Variants in DCAF6 observed in about 807,000 individuals in gnomAD.
DCAF6 encodes DDB1 and CUL4 associated factor 6.
In DCAF6, 54 loss-of-function variants were observed where a neutral mutation model predicts 125.1. The observed-to-expected ratio is 0.43, with a 90% CI of 0.35 to 0.54. The LOEUF (loss-of-function observed/expected upper bound fraction) is 0.54, where lower values mean the gene tolerates loss of function less well. Ranked by LOEUF, DCAF6 falls within the 20% of genes least tolerant of loss-of-function variation. The pLI, the probability that DCAF6 is intolerant of heterozygous loss-of-function variation, is 0.01. For synonymous variants in DCAF6, 371 were observed against 390.4 expected, an observed-to-expected ratio of 0.95 and a Z score of 0.58; for missense variants, 934 against 1,161.7, an observed-to-expected ratio of 0.80 and a Z score of 2.85.
intron 2 of DCAF6, among the ~76,000 whole-genome samples, chr1:167,963,179 G>A (rs534920886): frequency 1.3e-5 from 2 of 151,980 alleles, no homozygotes; most frequent in South Asian, 2.1e-4. Flanking sequence ...CGGGAGAATC[G>A]CTTGAACTCA....
chr1:167,866,716 A>C, the DCAF6 span, among the ~76,000 whole-genome samples: 1 of 151,254 alleles, frequency 6.6e-6, no homozygotes, highest in African/African-American at 2.4e-5. Flanking sequence ...GTGGCCTTAG[A>C]CAGTCTAGTC....
chr1:168,049,536 A>G (rs903332385), intron 16 of DCAF6, among the ~76,000 whole-genome samples: 1 of 147,680 alleles, frequency 6.8e-6, no homozygotes, highest in Non-Finnish European at 1.5e-5. Flanking sequence ...CTGGGGGACT[A>G]TAGGCGTGAG....
At position 167,957,642 on chromosome 1, in the gene DCAF6, T is replaced by C. The variant is rs143397385; in HGVS notation, c.159+5781T>C. ...TAAGTTTTCAATTATCTTGGCTGTA[T>C]ACCTAGTTGCAGAATTGCTAGGTCA... On this transcript the variant is annotated intron_variant, in intron 2 of 21. Coordinates refer to ENST00000367840, the MANE Select transcript of DCAF6 (RefSeq NM_001198956.2). Among the ~76,000 whole-genome samples, 830 of 152,264 alleles carry C rather than the reference T, an allele frequency of 5.5e-3. 8 individuals carry two copies. Among genetic ancestry groups the C allele is most frequent in the African/African-American group, 0.018 (756 of 41,572 alleles).
At chr1:168,052,797 T>C (rs1248449062) in intron 17 of DCAF6, among the ~76,000 whole-genome samples, 1 of 152,186 alleles carries the variant, frequency 6.6e-6, no homozygotes. Flanking sequence ...CATTCTACTT[T>C]TATTACCTCA....
At chr1:167,946,205 C>G (rs1291356581) in intron 1 of DCAF6, among the ~76,000 whole-genome samples, 1 of 152,166 alleles carries the variant, frequency 6.6e-6, no homozygotes, top group Non-Finnish European at 1.5e-5. Flanking sequence ...ATCTGGCCAC[C>G]TCAGCCTCCC....
At chr1:167,904,289 T>C in the DCAF6 span, among the ~76,000 whole-genome samples, 2 of 152,046 alleles carry the variant, frequency 1.3e-5, no homozygotes, top group Non-Finnish European at 2.9e-5. Flanking sequence ...GGTTTCACCA[T>C]GTTAGCCAGG....
chr1:167,919,749 AGTTAACTAGTTAACTG>A, the DCAF6 span, among the ~76,000 whole-genome samples: 1 of 152,172 alleles, frequency 6.6e-6, no homozygotes, highest in South Asian at 2.1e-4. Flanking sequence ...GATTTTAGTC[AGTTAACTAGTTAACTG>A]GTTAACTTAT....
chr1:168,009,353 T>C (rs865812723), intron 10 of DCAF6, among the ~76,000 whole-genome samples: 11 of 96,336 alleles, frequency 1.1e-4, no homozygotes, highest in Non-Finnish European at 1.2e-4. Context: ...CTCCCTTCCT[T>C]CCTTCCTTCC....
chr1:168,052,277 G>A (rs943075864), intron 17 of DCAF6, among the ~76,000 whole-genome samples: 16 of 152,150 alleles, frequency 1.1e-4, no homozygotes, highest in African/African-American at 3.1e-4. Flanking sequence ...TCACAAGTAC[G>A]CAAAGCTGGT....
chr1:168,071,195 T>G (rs748138049), intron 21 of DCAF6, among the ~76,000 whole-genome samples: 12 of 152,248 alleles, frequency 7.9e-5, no homozygotes, highest in Non-Finnish European at 1.8e-4. Flanking sequence ...TTAATTTTTT[T>G]GTTAATGGCC....
intron 18 of DCAF6, among the ~76,000 whole-genome samples, chr1:168,064,886 T>A (rs972509773): frequency 4.5e-4 from 69 of 152,210 alleles, no homozygotes; most frequent in Admixed American, 9.2e-4. Flanking sequence ...TTCCAGTATA[T>A]CATATGCCTT....
chr1:168,013,747 T>G (rs1017236926), intron 10 of DCAF6, among the ~76,000 whole-genome samples: 4 of 152,054 alleles, frequency 2.6e-5, no homozygotes, highest in East Asian at 3.9e-4. Context: ...TTCTCTTGAT[T>G]ATTATTATTA....
chr1:167,948,818 A>C (rs1033841598), intron 1 of DCAF6, among the ~76,000 whole-genome samples: 3 of 151,912 alleles, frequency 2.0e-5, no homozygotes, highest in African/African-American at 7.3e-5. Context: ...CACCCGGCTA[A>C]TTTTTGTATT....
chr1:167,963,073 A>G (rs1675864443), intron 2 of DCAF6, among the ~76,000 whole-genome samples: 1 of 152,142 alleles, frequency 6.6e-6, no homozygotes, highest in Admixed American at 6.5e-5. Flanking sequence ...CAGCCTGGGC[A>G]ACATGGTGAA....
the DCAF6 span, among the ~76,000 whole-genome samples, chr1:167,922,671 T>C: frequency 6.6e-6 from 1 of 152,156 alleles, no homozygotes. Flanking sequence ...CTTGTCACTT[T>C]ATAGTTGAAG....
At chr1:167,901,797 G>C in the DCAF6 span, 1 of 1,614,212 alleles carries the variant, frequency 6.2e-7, no homozygotes, top group Non-Finnish European at 8.5e-7. Context: ...AGGGCTAGCA[G>C]TGCATCACCT....
intron 2 of DCAF6, among the ~76,000 whole-genome samples, chr1:167,960,937 T>C (rs372107371): frequency 1.3e-5 from 2 of 152,300 alleles, no homozygotes; most frequent in Admixed American, 6.5e-5. Flanking sequence ...TTGGGAATAA[T>C]TGACATCTTG....
upstream of DCAF6, among the ~76,000 whole-genome samples, chr1:167,933,358 G>A (rs1159331632): frequency 1.3e-5 from 2 of 151,884 alleles, no homozygotes; most frequent in African/African-American, 4.8e-5. Context: ...GTAGAGATAG[G>A]GTTTCATCAT....
At chr1:167,888,602 C>T in the DCAF6 span, among the ~76,000 whole-genome samples, 9 of 152,010 alleles carry the variant, frequency 5.9e-5, no homozygotes, top group East Asian at 5.8e-4. Context: ...TTGGGCCGGG[C>T]GCGGTGGCTC....
Sources: allele counts gnomAD v4.1 joint callset (sites outside exome capture counted in the v4.1 genomes callset), GRCh38; gene constraint gnomAD v4.1.1; transcripts MANE v1.5; gene names NCBI Gene and HGNC (gene_info 2026-07-23, HGNC 2026-07-21).